The following C1orf21 variants were observed in gnomAD, a reference collection of about 807,000 sequenced individuals.
The protein encoded by C1orf21 is uncharacterized protein C1orf21.
In C1orf21, 3 loss-of-function variants were observed where a neutral mutation model predicts 18.7. The ratio of observed to expected loss-of-function variants is 0.16; its 90% CI spans 0.07 to 0.42. The LOEUF (loss-of-function observed/expected upper bound fraction) is 0.42. Among genes scored for constraint, C1orf21 ranks in the 10% least tolerant of loss-of-function variants. The probability of loss-of-function intolerance (pLI) is 0.99; values close to 1 mark genes in which losing one functional copy is unlikely to be tolerated. For synonymous variants in C1orf21, 41 were observed against 46.4 expected, an observed-to-expected ratio of 0.88 and a Z score of 0.47; for missense variants, 104 against 143.6, an observed-to-expected ratio of 0.72 and a Z score of 1.41.
At chr1:184,484,399 A>G (rs1657703441) in intron 2 of C1orf21, among the ~76,000 whole-genome samples, 1 of 152,202 alleles carries the variant, frequency 6.6e-6, no homozygotes, top group Non-Finnish European at 1.5e-5. Context: ...ATAAACTTTT[A>G]TACAGAGCTT....
intron 5 of C1orf21, among the ~76,000 whole-genome samples, chr1:184,617,393 A>G (rs1659844420): frequency 6.6e-6 from 1 of 152,118 alleles, no homozygotes; most frequent in Admixed American, 6.5e-5. Context: ...TGAGTTGGGG[A>G]TCTGTGGAGA....
At chr1:184,441,568 C>T (rs6678278) in intron 1 of C1orf21, among the ~76,000 whole-genome samples, 60,312 of 152,142 alleles carry the variant, frequency 0.4, 16,916 homozygotes, top group African/African-American at 0.81. Flanking sequence ...GTGATTATTA[C>T]GTGCAGCTAA....
Position 184,473,491 on chromosome 1 carries a change from G to A in C1orf21, c.-124-3895G>A, listed in dbSNP as rs1010077868. Reference sequence around the variant, plus strand: ...TAAAAAAAAAAATGCTGGAGTTTACGTGAAGGATAGCATAAACTGAAGGGA... The same window carrying A: ...TAAAAAAAAAAATGCTGGAGTTTACATGAAGGATAGCATAAACTGAAGGGA... On this transcript the variant is annotated intron_variant, in intron 1 of 5. Coordinates refer to ENST00000235307, the MANE Select transcript of C1orf21 (RefSeq NM_030806.4). 3.3e-5 allele frequency among the ~76,000 whole-genome samples: 5 copies of A among 152,264 alleles called. No individual in the cohort carries two copies. The East Asian group carries it at 5.8e-4, about 18-fold the overall frequency.
intron 3 of C1orf21, among the ~76,000 whole-genome samples, chr1:184,585,319 C>A (rs964894838): frequency 6.6e-6 from 1 of 152,156 alleles, no homozygotes; most frequent in Admixed American, 6.5e-5. Flanking sequence ...AGGTAAACTG[C>A]TGGTGCCTTA....
chr1:184,513,122 A>C (rs1045658475), intron 3 of C1orf21, among the ~76,000 whole-genome samples: 4 of 152,194 alleles, frequency 2.6e-5, no homozygotes, highest in Non-Finnish European at 5.9e-5. Context: ...TGTGAAAAAA[A>C]TTATCTTCCA....
chr1:184,443,059 C>T (rs567812400), intron 1 of C1orf21, among the ~76,000 whole-genome samples: 16 of 152,250 alleles, frequency 1.1e-4, no homozygotes, highest in South Asian at 4.1e-4. Context: ...GAGTTTTGAA[C>T]GTGAAGAAAA....
At chr1:184,439,833 T>G (rs1176622963) in intron 1 of C1orf21, among the ~76,000 whole-genome samples, 1 of 152,176 alleles carries the variant, frequency 6.6e-6, no homozygotes, top group African/African-American at 2.4e-5. Context: ...GTCTTATGTT[T>G]TGGAGTTACA....
chr1:184,604,312 C>T (rs1041497996), intron 5 of C1orf21, among the ~76,000 whole-genome samples: 1 of 152,140 alleles, frequency 6.6e-6, no homozygotes, highest in African/African-American at 2.4e-5. Flanking sequence ...TGACCTGCCC[C>T]ACGTGTGCAG....
chr1:184,562,923 T>C (rs1658986532), intron 3 of C1orf21, among the ~76,000 whole-genome samples: 1 of 152,230 alleles, frequency 6.6e-6, no homozygotes, highest in African/African-American at 2.4e-5. Flanking sequence ...CTTTTATGTT[T>C]ACATCACATT....
intron 5 of C1orf21, among the ~76,000 whole-genome samples, chr1:184,603,019 A>G (rs941594696): frequency 6.6e-5 from 10 of 152,226 alleles, no homozygotes; most frequent in African/African-American, 2.4e-4. Context: ...TACAAAAGTT[A>G]CAAAGACTCT....
intron 1 of C1orf21, among the ~76,000 whole-genome samples, chr1:184,390,539 G>C (rs1205583042): frequency 6.6e-6 from 1 of 152,114 alleles, no homozygotes; most frequent in Non-Finnish European, 1.5e-5. Flanking sequence ...AATTCACTCA[G>C]AGATATTGGG....
chr1:184,587,567 T>C (rs1413784241), intron 3 of C1orf21, among the ~76,000 whole-genome samples: 1 of 126,326 alleles, frequency 7.9e-6, no homozygotes, highest in East Asian at 2.3e-4. Flanking sequence ...TGTGTGTGTG[T>C]GTAGTGAATG....
At chr1:184,576,017 G>A (rs1284792528) in intron 3 of C1orf21, among the ~76,000 whole-genome samples, 4 of 152,196 alleles carry the variant, frequency 2.6e-5, no homozygotes, top group Non-Finnish European at 2.9e-5. Context: ...GGCATTGCTT[G>A]ACTCCCTGAA....
chr1:184,420,753 C>G (rs1461551456), intron 1 of C1orf21, among the ~76,000 whole-genome samples: 3 of 152,030 alleles, frequency 2.0e-5, no homozygotes, highest in African/African-American at 7.2e-5. Context: ...AAATAACCCC[C>G]CCACACAACA....
chr1:184,471,676 A>C (rs1219782403), intron 1 of C1orf21, among the ~76,000 whole-genome samples: 1 of 152,184 alleles, frequency 6.6e-6, no homozygotes, highest in East Asian at 1.9e-4. Context: ...TGAATCTAGC[A>C]GAAATGTGTC....
chr1:184,494,594 A>G (rs1376268703), intron 2 of C1orf21, among the ~76,000 whole-genome samples: 2 of 152,058 alleles, frequency 1.3e-5, no homozygotes, highest in African/African-American at 2.4e-5. Context: ...GCTTCATTAG[A>G]GCATATTGTA....
intron 2 of C1orf21, among the ~76,000 whole-genome samples, chr1:184,500,054 G>C (rs1279194501): frequency 6.6e-6 from 1 of 152,176 alleles, no homozygotes; most frequent in East Asian, 1.9e-4. Flanking sequence ...AACCATGCGT[G>C]TCTTCCCTTT....
rs141737897 is a variant in C1orf21 at position 184,552,193 on chromosome 1, G to A, written c.190-38546G>A. 9.6e-3 allele frequency among the ~76,000 whole-genome samples: 1,457 copies of A among 152,232 alleles called. 23 individuals carry two copies. The highest frequency in any genetic ancestry group is 0.033 in the African/African-American group (1,352 of 41,528). Reference sequence around the variant, plus strand: ...TACTTTTAACATAGAAAGTGTTTTTGTCAGACAAGAAGGATATCCCTAACA... The same window carrying A: ...TACTTTTAACATAGAAAGTGTTTTTATCAGACAAGAAGGATATCCCTAACA... On this transcript the variant is annotated intron_variant, in intron 3 of 5. Coordinates refer to ENST00000235307, the MANE Select transcript of C1orf21 (RefSeq NM_030806.4).
chr1:184,603,708 T>G (rs1054222399), intron 5 of C1orf21, among the ~76,000 whole-genome samples: 4 of 152,124 alleles, frequency 2.6e-5, no homozygotes, highest in African/African-American at 9.7e-5. Flanking sequence ...GGCATGAGAA[T>G]CGCTTGGACC....
Sources: gnomAD v4.1 joint callset for allele counts (sites outside exome capture counted in the v4.1 genomes callset) on GRCh38, gnomAD v4.1.1 for gene constraint, MANE v1.5 for transcripts, NCBI Gene and HGNC (gene_info 2026-07-23, HGNC 2026-07-21) for gene names.